The following TRAPPC13 variants were observed in gnomAD, a reference collection of about 807,000 sequenced individuals.
TRAPPC13 encodes the protein trafficking protein particle complex subunit 13.
A neutral mutation model predicts 54.0 loss-of-function variants in TRAPPC13; 39 were observed. That is an observed-to-expected ratio of 0.72 (90% CI 0.56 to 0.94). TRAPPC13 has a LOEUF of 0.94. TRAPPC13 is among the 40% of genes least tolerant of loss of function. The pLI is 0.00. For synonymous variants in TRAPPC13, 148 were observed against 167.7 expected, an observed-to-expected ratio of 0.88 and a Z score of 0.91; for missense variants, 386 against 488.1, an observed-to-expected ratio of 0.79 and a Z score of 1.97.
intron 10 of TRAPPC13, chr5:65,661,433 C>T (rs981792181): frequency 1.3e-5 from 2 of 152,298 alleles, no homozygotes; most frequent in Non-Finnish European, 1.5e-5. Context: ...GAATATACGA[C>T]AGGATTCTCC....
chr5:65,658,219 TTGCATTAA>T (rs1307925551), intron 8 of TRAPPC13, 141 bp from the exon 9 acceptor site: 1 of 671,580 alleles, frequency 1.5e-6, no homozygotes, highest in Non-Finnish European at 2.3e-6. Flanking sequence ...ATTTCTTTTC[TTGCATTAA>T]TTGTGGTAAC....
At position 65,665,210 on chromosome 5, in the gene TRAPPC13, G is replaced by A. The variant is rs1756998087; in HGVS notation, c.*599G>A. ...CTGTCTCAAAAAAAAAGAGGCAGCT[G>A]GGCAGATTTGGCCTGCAGGGTATAG... On this transcript the variant is annotated 3_prime_UTR_variant, in exon 13 of 13. Coordinates refer to ENST00000399438, the MANE Select transcript of TRAPPC13 (RefSeq NM_024941.4). 6.6e-6 allele frequency: 1 copy of A among 152,262 alleles called. No individual in the cohort carries two copies. Among genetic ancestry groups the A allele is most frequent in the Non-Finnish European group, 1.5e-5 (1 of 68,130 alleles). 9.4% of individuals were successfully genotyped at this position (152,262 alleles called of 1,614,324 possible). A position where few individuals can be genotyped will look rare whatever the true frequency, so the allele number is the denominator to read the frequency against.
chr5:65,646,351 G>A (rs919645359), intron 4 of TRAPPC13, among the ~76,000 whole-genome samples: 14 of 152,134 alleles, frequency 9.2e-5, no homozygotes, highest in Non-Finnish European at 2.1e-4. Context: ...ATTGATCTCT[G>A]ACATCTAATT....
chr5:65,656,822 C>T (rs36222), intron 8 of TRAPPC13, among the ~76,000 whole-genome samples: 45,061 of 151,956 alleles, frequency 0.3, 6,844 homozygotes, highest in Middle Eastern at 0.33. Context: ...AGGAGAATCA[C>T]TTGAACTCAG....
intron 1 of TRAPPC13, 82 bp from the exon 2 acceptor site, chr5:65,635,219 A>G (rs1755703629): frequency 1.7e-6 from 2 of 1,165,406 alleles, no homozygotes; most frequent in Admixed American, 4.3e-5. Flanking sequence ...TATAAAATGG[A>G]TGAATGTCAT....
chr5:65,659,911 C>G (rs1374002067), intron 9 of TRAPPC13, among the ~76,000 whole-genome samples: 1 of 141,420 alleles, frequency 7.1e-6, no homozygotes, highest in Non-Finnish European at 1.5e-5. Context: ...TGCAGTGAGC[C>G]ATGATTGCAC....
At position 65,635,284 on chromosome 5, in the gene TRAPPC13, A is replaced by G. The variant is rs375538684; in HGVS notation, c.47-17A>G. ...CAGTATTAATGTTTTGTTTTCTTTT[A>G]CTTTTTTACTTCACAGTGATGCGGC... On this transcript the variant is annotated splice_polypyrimidine_tract_variant and intron_variant, in intron 1 of 12. Transcript: ENST00000399438. The G allele has an allele frequency of 1.9e-6, 3 of 1,609,802 alleles. No homozygotes were observed. The highest frequency in any genetic ancestry group is 1.3e-5 in the African/African-American group (1 of 74,826).
chr5:65,640,864 G>A (rs371075951), intron 4 of TRAPPC13, among the ~76,000 whole-genome samples: 1 of 151,862 alleles, frequency 6.6e-6, no homozygotes, highest in African/African-American at 2.4e-5. Flanking sequence ...AAGCAGTGTA[G>A]TACTCACTAG....
intron 4 of TRAPPC13, 46 bp downstream of exon 4, chr5:65,637,826 GTT>G: frequency 8.2e-7 from 1 of 1,225,746 alleles, no homozygotes; most frequent in Non-Finnish European, 1.1e-6. Flanking sequence ...TTTAACAAAG[GTT>G]TTTTTTTAGG....
chr5:65,644,396 G>A (rs1438709120), intron 4 of TRAPPC13, among the ~76,000 whole-genome samples: 1 of 151,970 alleles, frequency 6.6e-6, no homozygotes, highest in African/African-American at 2.4e-5. Flanking sequence ...TCACACTTGT[G>A]GTATTTTGCT....
rs1344977517 is a variant in TRAPPC13, at chr5:65,660,816, A to T, written c.816A>T (p.Thr272=). ...AEKAGIIKGV[T]VIGKLDIVWK... The stretch of plus-strand genomic sequence containing the variant: ...AAGCAGGCATCATTAAGGGAGTAAC[A>T]GTAATTGGAAAATTGGATATAGTAT... Residue 272 remains threonine, a synonymous_variant, in exon 10 of 13, where the codon ACA becomes ACT. Transcript: ENST00000399438. 1.9e-6 allele frequency: 3 copies of T among 1,613,694 alleles called. No homozygotes were observed. In the African/African-American group the frequency reaches 4.0e-5, roughly 22 times the overall value.
chr5:65,660,386 C>T (rs916332636), intron 9 of TRAPPC13, among the ~76,000 whole-genome samples: 1 of 151,272 alleles, frequency 6.6e-6, no homozygotes, highest in Non-Finnish European at 1.5e-5. Flanking sequence ...TACCACTGTA[C>T]TCCAGCCTGG....
At chr5:65,638,122 CAAA>C (rs33942733) in intron 4 of TRAPPC13, among the ~76,000 whole-genome samples, 1 of 126,062 alleles carries the variant, frequency 7.9e-6, no homozygotes, top group African/African-American at 3.1e-5. Flanking sequence ...GACTCCATCT[CAAA>C]AAAAAAAAAA....
intron 1 of TRAPPC13, among the ~76,000 whole-genome samples, chr5:65,632,738 T>C (rs1755594774): frequency 6.6e-6 from 1 of 152,236 alleles, no homozygotes; most frequent in Admixed American, 6.5e-5. Context: ...TGCCTGGCGC[T>C]AGTAAATGCT....
chr5:65,661,993 T>C (rs1467672059), intron 10 of TRAPPC13, 57 bp from the exon 11 acceptor site: 34 of 1,350,368 alleles, frequency 2.5e-5, no homozygotes, highest in Non-Finnish European at 3.4e-5. Flanking sequence ...GGTGCCTTCA[T>C]TAAAATGGAA....
chr5:65,635,984 C>A lies in TRAPPC13; in HGVS notation c.156C>A (p.Thr52=), dbSNP rs779273593. ...AGCTGATGAGAGATGATCCTTCAAC[C>A]GTTAATGGTGCAGAAGTTTTAATGT... ...FNQLMRDDPS[T]VNGAEVLMLG... The change falls in exon 3 of 13, where the codon ACC becomes ACA. Residue 52 remains threonine, a synonymous_variant. Transcript: ENST00000399438. 3.1e-6 allele frequency: 5 copies of A among 1,601,582 alleles called. No individual in the cohort carries two copies. Among genetic ancestry groups the A allele is most frequent in the Middle Eastern group, 1.7e-4 (1 of 6,038 alleles).
Position 65,647,108 on chromosome 5 carries a change from A to G in TRAPPC13, c.354A>G (p.Ala118=), listed in dbSNP as rs771376916. ...QRLNLSASNA[A]VAELKPDCCI... ...TAAATCTTTCAGCCTCCAATGCTGCAGTGGCTGAACTTAAACCGGATTGTT... is the reference window on the plus strand; with the variant it reads ...TAAATCTTTCAGCCTCCAATGCTGCGGTGGCTGAACTTAAACCGGATTGTT... The change falls in exon 5 of 13, where the codon GCA becomes GCG. Residue 118 remains alanine, a synonymous_variant. Coordinates refer to ENST00000399438, the MANE Select transcript of TRAPPC13 (RefSeq NM_024941.4). The G allele has an allele frequency of 1.9e-6, 3 of 1,565,126 alleles. No homozygotes were observed. The South Asian group carries it at 3.5e-5, about 18-fold the overall frequency.
chr5:65,664,075 C>A, intron 11 of TRAPPC13, 162 bp from the exon 12 acceptor site: 1 of 702,154 alleles, frequency 1.4e-6, no homozygotes, highest in Non-Finnish European at 2.3e-6. Context: ...CTTCCTGGTT[C>A]TATCTTAAGT....
At chr5:65,647,280 C>A in intron 5 of TRAPPC13, 98 bp downstream of exon 5, 1 of 1,055,138 alleles carries the variant, frequency 9.5e-7, no homozygotes, top group Non-Finnish European at 1.3e-6. Flanking sequence ...GCATAGGAAC[C>A]TACTTCAAAA....
Sources: allele counts gnomAD v4.1 joint callset (sites outside exome capture counted in the v4.1 genomes callset), GRCh38; gene constraint gnomAD v4.1.1; transcripts MANE v1.5; gene names NCBI Gene and HGNC (gene_info 2026-07-23, HGNC 2026-07-21).